The following PSD2 variants were observed in gnomAD, a reference collection of about 807,000 sequenced individuals.
The protein encoded by PSD2 is PH and SEC7 domain-containing protein 2.
Under a neutral mutation model 69.8 loss-of-function variants are expected in PSD2, and 38 were observed. That is an observed-to-expected ratio of 0.54 (90% CI 0.42 to 0.71). PSD2 has a LOEUF of 0.71. PSD2 is among the 30% of genes least tolerant of loss of function. The pLI, the probability that PSD2 is intolerant of heterozygous loss-of-function variation, is 0.00. For missense variants in PSD2, 943 were observed against 1,014.5 expected (o/e 0.93, Z 0.96); for synonymous variants, 412 against 423.0 (o/e 0.97, Z 0.32).
In PSD2 at chr5:139,840,104, C is replaced by T. The variant is rs763351238; in HGVS notation, c.2046C>T (p.Val682=). The T allele has an allele frequency of 1.7e-5, 27 of 1,614,020 alleles. No homozygotes were observed. Among genetic ancestry groups the T allele is most frequent in the Middle Eastern group, 1.6e-4 (1 of 6,082 alleles). The change falls in exon 14 of 15, where the codon GTC becomes GTT. Residue 682 remains valine (V), a synonymous_variant. Transcript: ENST00000274710. ...AELAEHRCHP[V]ERGIKSKEAE... Reference sequence around the variant, plus strand: ...TGGCCGAACACAGGTGTCACCCAGTCGAGAGGGGCATCAAGTCCAAGGAGG... The same window carrying T: ...TGGCCGAACACAGGTGTCACCCAGTTGAGAGGGGCATCAAGTCCAAGGAGG...
intron 13 of PSD2, 30 bp downstream of exon 13, chr5:139,838,802 C>A (rs1335990307): frequency 1.3e-6 from 2 of 1,597,300 alleles, no homozygotes; most frequent in Non-Finnish European, 1.7e-6. Context: ...CATTTTGCCT[C>A]CCCAGGCTGC....
chr5:139,758,189 C>A, the PSD2 span, among the ~76,000 whole-genome samples: 1 of 152,064 alleles, frequency 6.6e-6, no homozygotes, highest in Non-Finnish European at 1.5e-5. Flanking sequence ...GCCGGTGGAG[C>A]GTGCTTTCTG....
chr5:139,780,277 C>T, the PSD2 span, among the ~76,000 whole-genome samples: 5 of 152,202 alleles, frequency 3.3e-5, no homozygotes, highest in African/African-American at 1.2e-4. Context: ...ACAGGGTTGG[C>T]TGCAGTTGAC....
At chr5:139,748,652 A>C in the PSD2 span, among the ~76,000 whole-genome samples, 1 of 152,222 alleles carries the variant, frequency 6.6e-6, no homozygotes, top group African/African-American at 2.4e-5. Context: ...ACTGCCCGCC[A>C]GGCAGCGCGG....
chr5:139,759,648 C>T, the PSD2 span, among the ~76,000 whole-genome samples: 2 of 152,230 alleles, frequency 1.3e-5, no homozygotes, highest in Admixed American at 1.3e-4. Context: ...GCGGGCGCCG[C>T]GCCACGCCGG....
intron 2 of PSD2, among the ~76,000 whole-genome samples, chr5:139,811,125 C>G (rs890795580): frequency 6.6e-6 from 1 of 152,208 alleles, no homozygotes; most frequent in Non-Finnish European, 1.5e-5. Flanking sequence ...AACGAACCTT[C>G]TTTCCTCTCC....
At chr5:139,793,301 C>T (rs528833035), upstream of PSD2, among the ~76,000 whole-genome samples, 1 of 152,316 alleles carries the variant, frequency 6.6e-6, no homozygotes, top group African/African-American at 2.4e-5. Flanking sequence ...ACAATACTCC[C>T]CTCTCCAGTG....
chr5:139,810,100 C>T (rs974586531), intron 2 of PSD2, among the ~76,000 whole-genome samples: 2 of 152,072 alleles, frequency 1.3e-5, no homozygotes, highest in African/African-American at 2.4e-5. Context: ...GCTGGGCATT[C>T]GATTTCCAAG....
Position 139,843,509 on chromosome 5 carries a change from T to TG in PSD2, c.*1037dup, listed in dbSNP as rs374416330. 7.5e-4 allele frequency: 114 copies of TG among 152,366 alleles called. No homozygotes were observed. Among genetic ancestry groups the TG allele is most frequent in the African/African-American group, 2.6e-3 (108 of 41,592 alleles). 9.4% of individuals were successfully genotyped at this position (152,366 alleles called of 1,614,324 possible). A position where few individuals can be genotyped will look rare whatever the true frequency, so the allele number is the denominator to read the frequency against. The stretch of plus-strand genomic sequence containing the variant: ...TCTCTGAGCTCCAGAGGTGGCCTCT[T>TG]GGACAGATCTACTGCTATAGGAATA... On this transcript the variant is annotated 3_prime_UTR_variant, in exon 15 of 15. Transcript: ENST00000274710.
the PSD2 span, among the ~76,000 whole-genome samples, chr5:139,786,447 A>T: frequency 6.6e-6 from 1 of 152,260 alleles, no homozygotes. Flanking sequence ...GTTAGGGTCA[A>T]GAAAAGGTGG....
the PSD2 span, among the ~76,000 whole-genome samples, chr5:139,769,972 G>T: frequency 7.2e-5 from 11 of 152,228 alleles, no homozygotes; most frequent in Admixed American, 2.0e-4. Flanking sequence ...CTTGTGTTTT[G>T]TAAGTGGGGT....
chr5:139,787,035 G>A, the PSD2 span, among the ~76,000 whole-genome samples: 1 of 152,188 alleles, frequency 6.6e-6, no homozygotes, highest in African/African-American at 2.4e-5. Flanking sequence ...CCGAACCGGG[G>A]AGTGAGGAGG....
chr5:139,768,751 C>A, the PSD2 span, among the ~76,000 whole-genome samples: 1 of 151,810 alleles, frequency 6.6e-6, no homozygotes. Context: ...ACACCTCCCT[C>A]CCTCCTGGGC....
intron 1 of PSD2, among the ~76,000 whole-genome samples, chr5:139,803,425 G>A (rs1241868210): frequency 1.3e-5 from 2 of 152,204 alleles, no homozygotes; most frequent in Admixed American, 1.3e-4. Context: ...AGAAGGTTTT[G>A]GGAGGCAGCA....
Position 139,842,363 on chromosome 5 carries a change from T to C in PSD2, c.2205T>C (p.Thr735=), listed in dbSNP as rs1055759985. Residue 735 remains threonine (T), a synonymous_variant, in exon 15 of 15, where the codon ACT becomes ACC. Coordinates refer to ENST00000274710, the MANE Select transcript of PSD2 (RefSeq NM_032289.4). ...DLERIEARLA[T]LEGDDPSLRK... is the part of the protein sequence containing the mutation. Reference sequence around the variant, plus strand: ...AGCGGATTGAGGCCCGGCTGGCCACTCTGGAAGGGGATGACCCTTCTCTCC... The same window carrying C: ...AGCGGATTGAGGCCCGGCTGGCCACCCTGGAAGGGGATGACCCTTCTCTCC... The C allele has an allele frequency of 1.9e-6, 3 of 1,614,108 alleles. No individual in the cohort carries two copies. In the African/African-American group the frequency reaches 4.0e-5, roughly 22 times the overall value.
In PSD2 at chr5:139,843,894, G is replaced by A. The variant is rs907249666; in HGVS notation, c.*1420G>A. The A allele has an allele frequency of 1.1e-4, 17 of 152,174 alleles. No homozygotes were observed. The highest frequency in any genetic ancestry group is 3.6e-4 in the African/African-American group (15 of 41,422). The allele number at this position is 152,174 out of a possible 1,614,324, so 9.4% of individuals were successfully genotyped here. A position where few individuals can be genotyped will look rare whatever the true frequency, so the allele number is the denominator to read the frequency against. ...ACTGTAGTTTGGCCAGGAATTTGGCGTCAGTGGTAACACACTTAGTTAATA... is the reference window on the plus strand; with the variant it reads ...ACTGTAGTTTGGCCAGGAATTTGGCATCAGTGGTAACACACTTAGTTAATA... On this transcript the variant is annotated 3_prime_UTR_variant, in exon 15 of 15. Transcript: ENST00000274710.
Position 139,830,924 on chromosome 5 carries a change from A to G in PSD2, c.1270-2778A>G, listed in dbSNP as rs189084289. 3.8e-3 allele frequency among the ~76,000 whole-genome samples: 502 copies of G among 131,418 alleles called. 4 individuals are homozygous for G. The highest frequency in any genetic ancestry group is 6.0e-3 in the Admixed American group (72 of 11,906). 86.2% of individuals were successfully genotyped at this position (131,418 alleles called of 152,430 possible). A position where few individuals can be genotyped will look rare whatever the true frequency, so the allele number is the denominator to read the frequency against. On this transcript the variant is annotated intron_variant, in intron 7 of 14. Transcript: ENST00000274710. ...TTGAGCCAGTTTTAGTAGCTTGTGT[A>G]TTTCTAAGAATTTGTCCATTTCATC...
chr5:139,830,518 TTTTC>T (rs1261323366), intron 7 of PSD2, among the ~76,000 whole-genome samples: 1 of 89,568 alleles, frequency 1.1e-5, no homozygotes, highest in Non-Finnish European at 2.3e-5. Context: ...GCCCAGCTAA[TTTTC>T]TTCCTTCCTT....
intron 7 of PSD2, among the ~76,000 whole-genome samples, chr5:139,831,393 A>G (rs1760595532): frequency 6.6e-6 from 1 of 152,208 alleles, no homozygotes; most frequent in South Asian, 2.1e-4. Context: ...CATTTAATGA[A>G]TTATGATATA....
Sources: allele counts gnomAD v4.1 joint callset (sites outside exome capture counted in the v4.1 genomes callset), GRCh38; gene constraint gnomAD v4.1.1; transcripts MANE v1.5; gene names NCBI Gene and HGNC (gene_info 2026-07-23, HGNC 2026-07-21).